SORCS2: variants seen among roughly 807,000 people sequenced by gnomAD.
The protein encoded by SORCS2 is sortilin related VPS10 domain containing receptor 2, also known as VPS10 domain-containing receptor SorCS2.
A neutral mutation model predicts 141.6 loss-of-function variants in SORCS2; 100 were observed. The observed-to-expected ratio is 0.71, with a 90% CI of 0.60 to 0.83. SORCS2 has a LOEUF of 0.83. Among genes scored for constraint, SORCS2 ranks in the 40% least tolerant of loss-of-function variants. The pLI is 0.00. For synonymous variants in SORCS2, 789 were observed against 676.9 expected (o/e 1.17, Z -2.57); for missense variants, 1,646 against 1,560.2 (o/e 1.05, Z -0.93).
intron 1 of SORCS2, among the ~76,000 whole-genome samples, chr4:7,379,780 C>T (rs1325069995): frequency 6.6e-6 from 1 of 152,202 alleles, no homozygotes; most frequent in African/African-American, 2.4e-5. Context: ...TCCAAGACCT[C>T]TATGAAGGGC....
intron 1 of SORCS2, among the ~76,000 whole-genome samples, chr4:7,316,060 TTCCATCCATCTGTGCATCTG>T (rs1258437521): frequency 3.3e-5 from 5 of 151,170 alleles, no homozygotes; most frequent in Admixed American, 1.3e-4. Flanking sequence ...CTTTCCTTCC[TTCCATCCATCTGTGCATCTG>T]TCCATCCATC....
At position 7,703,352 on chromosome 4, in the gene SORCS2, A is replaced by G. The variant is rs746852031; in HGVS notation, c.1741A>G (p.Ile581Val). The stretch of plus-strand genomic sequence containing the variant: ...GATCGTGGCCATCAAAGACACCTCC[A>G]TCCCTTTGAAGATCCTCAAGTAATG... ...GVIVAIKDTS[I>V]PLKILKFSVD... Residue 581 changes from isoleucine to valine, a missense_variant, in exon 13 of 27, where the codon ATC becomes GTC. Transcript: ENST00000507866. The G allele has an allele frequency of 6.2e-7, 1 of 1,613,282 alleles. No homozygotes were observed. Among genetic ancestry groups the G allele is most frequent in the Non-Finnish European group, 8.5e-7 (1 of 1,179,642 alleles).
At position 7,313,269 on chromosome 4, in the gene SORCS2, C is replaced by T. The variant is rs150793810; in HGVS notation, c.481-83019C>T. Among the ~76,000 whole-genome samples the T allele has an allele frequency of 5.6e-4, 86 of 152,370 alleles. 1 individual carries two copies. The highest frequency in any genetic ancestry group is 5.4e-4 in the Non-Finnish European group (37 of 68,040). On this transcript the variant is annotated intron_variant, in intron 1 of 26. Transcript: ENST00000507866. ...CTGTGGGCATGATCTGGTTTGGATG[C>T]TCATGCATCATTCATTCAGTTGTTA...
At chr4:7,697,175 C>CTG in intron 11 of SORCS2, 23 bp from the exon 12 acceptor site, 1 of 1,552,112 alleles carries the variant, frequency 6.4e-7, no homozygotes, top group African/African-American at 1.4e-5. Flanking sequence ...AAGGGTAGTA[C>CTG]TGCCCCTTTT....
At chr4:7,359,522 A>G (rs1347481803) in intron 1 of SORCS2, among the ~76,000 whole-genome samples, 8 of 152,326 alleles carry the variant, frequency 5.3e-5, no homozygotes, top group African/African-American at 1.7e-4. Context: ...AGCAGAAGCC[A>G]TGGCGGGATC....
intron 2 of SORCS2, among the ~76,000 whole-genome samples, chr4:7,490,360 G>T (rs1242130905): frequency 6.6e-6 from 1 of 152,114 alleles, no homozygotes; most frequent in Non-Finnish European, 1.5e-5. Flanking sequence ...AGGGGGTGAG[G>T]CTGTCAAGGG....
intron 2 of SORCS2, among the ~76,000 whole-genome samples, chr4:7,514,679 C>T (rs937664843): frequency 6.6e-6 from 1 of 152,058 alleles, no homozygotes; most frequent in Non-Finnish European, 1.5e-5. Flanking sequence ...ATGGACAGTG[C>T]TTAACTTGAA....
chr4:7,495,549 A>G (rs530166748), intron 2 of SORCS2, among the ~76,000 whole-genome samples: 13 of 151,682 alleles, frequency 8.6e-5, no homozygotes, highest in African/African-American at 3.1e-4. Context: ...TCTCCTTGGC[A>G]CCCTCGTCAG....
At chr4:7,581,339 G>A (rs1716128612) in intron 3 of SORCS2, among the ~76,000 whole-genome samples, 1 of 151,998 alleles carries the variant, frequency 6.6e-6, no homozygotes. Flanking sequence ...AAAATACTAA[G>A]ATAAATAATA....
chr4:7,354,991 C>T (rs1323123478), intron 1 of SORCS2, among the ~76,000 whole-genome samples: 1 of 151,824 alleles, frequency 6.6e-6, no homozygotes, highest in Non-Finnish European at 1.5e-5. Context: ...CAAACAGTAT[C>T]AAGTGATAGA....
At chr4:7,349,008 C>G (rs1417756894) in intron 1 of SORCS2, among the ~76,000 whole-genome samples, 2 of 152,232 alleles carry the variant, frequency 1.3e-5, no homozygotes, top group Non-Finnish European at 2.9e-5. Flanking sequence ...CCCCTTCCCC[C>G]CTCTGGCTTC....
chr4:7,573,731 A>G (rs2109719615), intron 3 of SORCS2, among the ~76,000 whole-genome samples: 1 of 152,326 alleles, frequency 6.6e-6, no homozygotes, highest in Non-Finnish European at 1.5e-5. Flanking sequence ...ATCTTTACAC[A>G]GCACATAGGA....
At chr4:7,731,482 G>C (rs1252379323) in intron 23 of SORCS2, among the ~76,000 whole-genome samples, 2 of 152,098 alleles carry the variant, frequency 1.3e-5, no homozygotes, top group Non-Finnish European at 2.9e-5. Flanking sequence ...AATTTGTATG[G>C]AACTACAAAA....
chr4:7,415,556 G>C (rs1725608707), intron 2 of SORCS2, among the ~76,000 whole-genome samples: 1 of 152,188 alleles, frequency 6.6e-6, no homozygotes, highest in Non-Finnish European at 1.5e-5. Context: ...CCCATTTCTA[G>C]GTCCTTAATC....
Position 7,726,908 on chromosome 4 carries a change from G to A in SORCS2, c.2869+5G>A, listed in dbSNP as rs1173136461. On this transcript the variant is annotated splice_donor_5th_base_variant and intron_variant, in intron 21 of 26. Coordinates refer to ENST00000507866, the MANE Select transcript of SORCS2 (RefSeq NM_020777.3). ...CCAGGGTCCTCCGTGTGCTGGGTAAGTACTTCCTGGGGTCTGGCAGCACGG... is the reference window on the plus strand; with the variant it reads ...CCAGGGTCCTCCGTGTGCTGGGTAAATACTTCCTGGGGTCTGGCAGCACGG... The A allele has an allele frequency of 1.2e-6, 2 of 1,611,476 alleles. No individual in the cohort carries two copies. Among genetic ancestry groups the A allele is most frequent in the Non-Finnish European group, 1.7e-6 (2 of 1,178,242 alleles).
At chr4:7,698,962 G>A (rs1311887593) in intron 12 of SORCS2, among the ~76,000 whole-genome samples, 1 of 152,200 alleles carries the variant, frequency 6.6e-6, no homozygotes, top group Non-Finnish European at 1.5e-5. Context: ...CGGTCTCCGT[G>A]GCTTCCTATC....
chr4:7,459,039 C>A (rs367785111), intron 2 of SORCS2, among the ~76,000 whole-genome samples: 26 of 152,018 alleles, frequency 1.7e-4, no homozygotes, highest in African/African-American at 2.4e-4. Flanking sequence ...TCCTAAGGCG[C>A]GTGGCAAAGG....
Position 7,522,094 on chromosome 4 carries a change from T to G in SORCS2, c.549-9436T>G, listed in dbSNP as rs141737828. On this transcript the variant is annotated intron_variant, in intron 2 of 26. Transcript: ENST00000507866. ...CCGCTTCATTAACCCTTTGTTCAGATAGAAAAAAATCCTAAGTCTCAGAAA... is the reference window on the plus strand; with the variant it reads ...CCGCTTCATTAACCCTTTGTTCAGAGAGAAAAAAATCCTAAGTCTCAGAAA... Among the ~76,000 whole-genome samples the G allele has an allele frequency of 6.6e-5, 10 of 152,248 alleles. No individual in the cohort carries two copies. In the East Asian group the frequency reaches 1.9e-3, roughly 29 times the overall value.
Position 7,687,841 on chromosome 4 carries a change from A to T in SORCS2, c.1489-1645A>T, listed in dbSNP as rs572563712. Among the ~76,000 whole-genome samples the T allele has an allele frequency of 1.3e-3, 201 of 152,140 alleles. 1 individual carries two copies. Among genetic ancestry groups the T allele is most frequent in the African/African-American group, 4.7e-3 (195 of 41,528 alleles). ...CCTTTTAGGACATTTTCACCACCCA[A>T]AAAAGGAAGGCCCCGATCCTTAGCT... is the stretch of plus-strand genomic sequence containing the variant. On this transcript the variant is annotated intron_variant, in intron 10 of 26. Transcript: ENST00000507866.
Sources: allele counts gnomAD v4.1 joint callset (sites outside exome capture counted in the v4.1 genomes callset), GRCh38; gene constraint gnomAD v4.1.1; transcripts MANE v1.5; gene names NCBI Gene and HGNC (gene_info 2026-07-23, HGNC 2026-07-21).